GLIS3: variants seen among roughly 807,000 people sequenced by gnomAD.
GLIS3 encodes zinc finger protein GLIS3.
Under a neutral mutation model 78.6 loss-of-function variants are expected in GLIS3, and 53 were observed. The ratio of observed to expected loss-of-function variants is 0.67; its 90% CI spans 0.54 to 0.85. The LOEUF (loss-of-function observed/expected upper bound fraction) is 0.85. GLIS3 is among the 40% of genes least tolerant of loss of function. The pLI is 0.00. For missense variants in GLIS3, 1,703 were observed against 1,231.1 expected (o/e 1.38, Z -5.74); for synonymous variants, 684 against 509.9 (o/e 1.34, Z -4.60).
the GLIS3 span, among the ~76,000 whole-genome samples, chr9:4,469,232 C>G: frequency 6.6e-6 from 1 of 152,082 alleles, no homozygotes; most frequent in African/African-American, 2.4e-5. Flanking sequence ...ATCAATGAGA[C>G]AGAAAGTTAA....
At chr9:4,431,178 G>A in the GLIS3 span, among the ~76,000 whole-genome samples, 4 of 152,310 alleles carry the variant, frequency 2.6e-5, no homozygotes, top group African/African-American at 4.8e-5. Context: ...CCTGTTTTGA[G>A]TCTTAGAATT....
At chr9:4,163,335 T>C (rs10448238) in intron 2 of GLIS3, among the ~76,000 whole-genome samples, 72,960 of 152,248 alleles carry the variant, frequency 0.48, 19,243 homozygotes, top group East Asian at 0.83. Flanking sequence ...CTGAAATTCA[T>C]CATTTTCACA....
At chr9:4,086,747 C>T (rs1829057605) in intron 4 of GLIS3, among the ~76,000 whole-genome samples, 3 of 152,206 alleles carry the variant, frequency 2.0e-5, no homozygotes. Flanking sequence ...GCACTGTGCA[C>T]AGGAGGGACT....
In GLIS3 at chr9:3,833,297, G is replaced by T. The variant is rs568064189; in HGVS notation, c.2474-3805C>A. ...AGTTACTAGAGATGCCAAATACACTGGTGTGGATGGTTTTCATATATTCTC... is the reference window on the plus strand; with the variant it reads ...AGTTACTAGAGATGCCAAATACACTTGTGTGGATGGTTTTCATATATTCTC... On this transcript the variant is annotated intron_variant, in intron 9 of 10. Transcript: ENST00000381971. Among the ~76,000 whole-genome samples the T allele has an allele frequency of 5.9e-5, 9 of 152,222 alleles. No individual in the cohort carries two copies. The South Asian group carries it at 1.9e-3, about 32-fold the overall frequency.
In GLIS3 at chr9:4,259,666, A is replaced by G. The variant is rs992782779; in HGVS notation, c.388+26372T>C. Among the ~76,000 whole-genome samples the G allele has an allele frequency of 2.0e-5, 3 of 152,322 alleles. No individual in the cohort carries two copies. The South Asian group carries it at 6.2e-4, about 32-fold the overall frequency. On this transcript the variant is annotated intron_variant, in intron 2 of 10. Transcript: ENST00000381971. ...GTTATGCAAGAGTAACCCAAATAAC[A>G]CAAGATAATGCTTAACCTAGCGAAG...
chr9:3,926,331 T>C (rs563551151), intron 6 of GLIS3, among the ~76,000 whole-genome samples: 89 of 150,584 alleles, frequency 5.9e-4, no homozygotes, highest in Admixed American at 1.5e-3. Flanking sequence ...CCTGGGGTCA[T>C]GCCATTCTCC....
At chr9:4,340,123 G>C (rs531835213) in intron 2 of GLIS3, among the ~76,000 whole-genome samples, 1 of 151,690 alleles carries the variant, frequency 6.6e-6, no homozygotes, top group South Asian at 2.1e-4. Context: ...TAGAATCTCT[G>C]GATCTATTCC....
the GLIS3 span, among the ~76,000 whole-genome samples, chr9:4,405,371 G>T: frequency 6.8e-6 from 1 of 147,520 alleles, no homozygotes. Flanking sequence ...AAAAGAAAAA[G>T]AAAAAGAAAA....
chr9:4,241,504 CCCCAA>C (rs1823309263), intron 2 of GLIS3, among the ~76,000 whole-genome samples: 4 of 152,054 alleles, frequency 2.6e-5, no homozygotes, highest in Admixed American at 2.6e-4. Flanking sequence ...GTGATGTACA[CCCCAA>C]CTACACCCCA....
intron 2 of GLIS3, among the ~76,000 whole-genome samples, chr9:4,184,237 T>A (rs1817574394): frequency 6.6e-6 from 1 of 152,208 alleles, no homozygotes. Context: ...CAATTGTGGA[T>A]AAACACTAAA....
chr9:4,054,943 C>G (rs536937438), intron 4 of GLIS3, among the ~76,000 whole-genome samples: 1 of 152,278 alleles, frequency 6.6e-6, no homozygotes, highest in African/African-American at 2.4e-5. Flanking sequence ...CTTCCCACAG[C>G]AGCTACAAAT....
At chr9:4,348,612 C>T (rs1457305628), upstream of GLIS3, among the ~76,000 whole-genome samples, 2 of 152,086 alleles carry the variant, frequency 1.3e-5, no homozygotes, top group African/African-American at 2.4e-5. Flanking sequence ...TATGGGTTAT[C>T]TTATTATGAA....
the GLIS3 span, among the ~76,000 whole-genome samples, chr9:4,370,357 C>T: frequency 6.6e-6 from 1 of 152,122 alleles, no homozygotes; most frequent in African/African-American, 2.4e-5. Context: ...CTCCTCCTAC[C>T]CTTCCCTGAG....
At chr9:4,233,951 A>G (rs1266377127) in intron 2 of GLIS3, among the ~76,000 whole-genome samples, 1 of 152,148 alleles carries the variant, frequency 6.6e-6, no homozygotes, top group African/African-American at 2.4e-5. Flanking sequence ...TTTTCCTTAA[A>G]CTTCATAAAC....
At chr9:4,423,578 T>A in the GLIS3 span, among the ~76,000 whole-genome samples, 1 of 152,300 alleles carries the variant, frequency 6.6e-6, no homozygotes, top group East Asian at 1.9e-4. Flanking sequence ...CTCTAGCAGC[T>A]ATTAAACAAG....
chr9:3,892,943 A>AAATT (rs146981931), intron 7 of GLIS3, among the ~76,000 whole-genome samples: 2,039 of 152,254 alleles, frequency 0.013, 46 homozygotes, highest in African/African-American at 0.047. Flanking sequence ...ATCACTGGTG[A>AAATT]AATTATACAC....
At chr9:4,462,080 A>G in the GLIS3 span, among the ~76,000 whole-genome samples, 1 of 152,188 alleles carries the variant, frequency 6.6e-6, no homozygotes, top group Non-Finnish European at 1.5e-5. Flanking sequence ...GTTACAGAAC[A>G]ATAATTCTCA....
rs192995271 is a variant in GLIS3, at chr9:4,333,111, G to C, written n.264+13970C>G. On this transcript the variant is annotated intron_variant and non_coding_transcript_variant, in intron 2 of 4. Transcript: ENST00000471664. ...AATTAAGAAGCTAAACCTTAGCCAG[G>C]TGCTGCACTCTTATAGTCCTAGCTA... 2.9e-3 allele frequency among the ~76,000 whole-genome samples: 448 copies of C among 152,264 alleles called. 1 individual carries two copies. The highest frequency in any genetic ancestry group is 4.6e-3 in the Non-Finnish European group (313 of 68,030).
chr9:4,467,217 T>C, the GLIS3 span, among the ~76,000 whole-genome samples: 1 of 152,170 alleles, frequency 6.6e-6, no homozygotes, highest in Non-Finnish European at 1.5e-5. Context: ...AGGGAATAGC[T>C]GAACAAAAGG....
Sources: allele counts gnomAD v4.1 joint callset (sites outside exome capture counted in the v4.1 genomes callset), GRCh38; gene constraint gnomAD v4.1.1; transcripts MANE v1.5; gene names NCBI Gene and HGNC (gene_info 2026-07-23, HGNC 2026-07-21).